The following SH3GL2 variants were observed in gnomAD, a reference collection of about 807,000 sequenced individuals.
SH3GL2 encodes endophilin-A1.
In SH3GL2, 24 loss-of-function variants were observed where a neutral mutation model predicts 46.0. The observed-to-expected ratio is 0.52, with a 90% CI of 0.38 to 0.73. The LOEUF is 0.73. Ranked by LOEUF, SH3GL2 falls within the 30% of genes least tolerant of loss-of-function variation. SH3GL2 has a pLI of 0.00. For missense variants in SH3GL2, 413 were observed against 424.2 expected, an observed-to-expected ratio of 0.97 and a Z score of 0.23; for synonymous variants, 196 against 147.1, an observed-to-expected ratio of 1.33 and a Z score of -2.40.
intron 1 of SH3GL2, among the ~76,000 whole-genome samples, chr9:17,733,191 A>G (rs894297925): frequency 6.6e-5 from 10 of 152,140 alleles, no homozygotes; most frequent in African/African-American, 2.2e-4. Flanking sequence ...ATTTTGCCAA[A>G]GCAAAACGAA....
At chr9:17,675,107 T>G (rs1038846779) in intron 1 of SH3GL2, among the ~76,000 whole-genome samples, 1 of 152,196 alleles carries the variant, frequency 6.6e-6, no homozygotes, top group Non-Finnish European at 1.5e-5. Context: ...TTTTGTACAT[T>G]GTTGTGGTAT....
chr9:17,770,167 C>T (rs1306196559), intron 3 of SH3GL2, among the ~76,000 whole-genome samples: 1 of 152,108 alleles, frequency 6.6e-6, no homozygotes, highest in African/African-American at 2.4e-5. Flanking sequence ...TTCACAATTG[C>T]TTTGGGAAAA....
chr9:17,755,849 C>G (rs1414612817), intron 2 of SH3GL2: 7 of 859,512 alleles, frequency 8.1e-6, no homozygotes, highest in Non-Finnish European at 9.8e-6. Context: ...ATTCCCATGT[C>G]TCTGGAAGAG....
At chr9:17,727,627 G>C (rs1822056422) in intron 1 of SH3GL2, among the ~76,000 whole-genome samples, 1 of 152,096 alleles carries the variant, frequency 6.6e-6, no homozygotes, top group Non-Finnish European at 1.5e-5. Flanking sequence ...AAACATCAGG[G>C]ATTAACACAC....
intron 7 of SH3GL2, among the ~76,000 whole-genome samples, chr9:17,792,230 T>A (rs1427165787): frequency 6.6e-6 from 1 of 152,226 alleles, no homozygotes; most frequent in Non-Finnish European, 1.5e-5. Context: ...ATTCATGGTT[T>A]AATTGAGCAT....
intron 3 of SH3GL2, among the ~76,000 whole-genome samples, chr9:17,777,399 G>GT (rs1165204953): frequency 2.0e-5 from 3 of 152,200 alleles, no homozygotes; most frequent in African/African-American, 7.2e-5. Flanking sequence ...TTGATTTAAA[G>GT]TTTGTTAAAA....
At chr9:17,692,899 A>G (rs964625745) in intron 1 of SH3GL2, among the ~76,000 whole-genome samples, 1 of 152,098 alleles carries the variant, frequency 6.6e-6, no homozygotes, top group African/African-American at 2.4e-5. Context: ...AGGAAGAAGC[A>G]AAAGTGGAAA....
At chr9:17,761,634 G>C in intron 3 of SH3GL2, 125 bp downstream of exon 3, 2 of 774,334 alleles carry the variant, frequency 2.6e-6, no homozygotes, top group Non-Finnish European at 4.7e-6. Flanking sequence ...TTTTCTGAGA[G>C]GTTAGCGACT....
rs151109451 is a variant in SH3GL2 at position 17,753,953 on chromosome 9, G to C, written c.114+6819G>C. ...ATAGGGAATCTTTTCCCCATTGTTT[G>C]ATTTTTGTCAGATTTGTCAAAGACC... On this transcript the variant is annotated intron_variant, in intron 2 of 8. Transcript: ENST00000380607. 2.4e-3 allele frequency among the ~76,000 whole-genome samples: 366 copies of C among 152,230 alleles called. 4 individuals carry two copies. Among genetic ancestry groups the C allele is most frequent in the African/African-American group, 8.6e-3 (356 of 41,560 alleles).
At chr9:17,793,822 C>G (rs149600935) in intron 8 of SH3GL2, among the ~76,000 whole-genome samples, 1 of 152,338 alleles carries the variant, frequency 6.6e-6, no homozygotes, top group African/African-American at 2.4e-5. Context: ...TCAGTTTGGT[C>G]TGCGAGTGTC....
chr9:17,670,814 C>G (rs777326411), intron 1 of SH3GL2, among the ~76,000 whole-genome samples: 2 of 152,144 alleles, frequency 1.3e-5, no homozygotes, highest in Non-Finnish European at 2.9e-5. Context: ...ATGGGACTTA[C>G]ATATACATCA....
intron 1 of SH3GL2, among the ~76,000 whole-genome samples, chr9:17,599,766 G>T (rs1170377467): frequency 6.6e-6 from 1 of 152,120 alleles, no homozygotes; most frequent in East Asian, 1.9e-4. Context: ...TTGGATGGGT[G>T]GTGATTTGGA....
chr9:17,661,170 A>T (rs1175669856), intron 1 of SH3GL2, among the ~76,000 whole-genome samples: 1 of 152,170 alleles, frequency 6.6e-6, no homozygotes, highest in Non-Finnish European at 1.5e-5. Flanking sequence ...TCAAAAAACA[A>T]AAACAAAAAC....
At chr9:17,710,271 T>C (rs942476520) in intron 1 of SH3GL2, among the ~76,000 whole-genome samples, 1 of 152,020 alleles carries the variant, frequency 6.6e-6, no homozygotes, top group Non-Finnish European at 1.5e-5. Flanking sequence ...CTTTCTGTCA[T>C]GACTGTAAGT....
chr9:17,638,280 A>G (rs1189464614), intron 1 of SH3GL2, among the ~76,000 whole-genome samples: 1 of 152,120 alleles, frequency 6.6e-6, no homozygotes, highest in African/African-American at 2.4e-5. Context: ...AAAAAGTCCT[A>G]TTTCGTTAGA....
intron 3 of SH3GL2, among the ~76,000 whole-genome samples, chr9:17,767,348 C>G (rs2131159499): frequency 6.6e-6 from 1 of 152,270 alleles, no homozygotes; most frequent in East Asian, 1.9e-4. Context: ...TCAAAATGTA[C>G]CATTAGTCCC....
chr9:17,725,220 G>A (rs1285743976), intron 1 of SH3GL2, among the ~76,000 whole-genome samples: 1 of 152,048 alleles, frequency 6.6e-6, no homozygotes, highest in Non-Finnish European at 1.5e-5. Context: ...TACGACTTGG[G>A]AAATTTTTTC....
At chr9:17,652,163 A>G (rs1819973277) in intron 1 of SH3GL2, among the ~76,000 whole-genome samples, 1 of 152,014 alleles carries the variant, frequency 6.6e-6, no homozygotes, top group African/African-American at 2.4e-5. Flanking sequence ...ATTGTAAATC[A>G]TTATTATTTT....
chr9:17,602,614 A>C (rs577106086), intron 1 of SH3GL2, among the ~76,000 whole-genome samples: 1 of 152,286 alleles, frequency 6.6e-6, no homozygotes, highest in African/African-American at 2.4e-5. Context: ...AGTATAAAAA[A>C]ACTTTAATAT....
Sources: allele counts gnomAD v4.1 joint callset (sites outside exome capture counted in the v4.1 genomes callset), GRCh38; gene constraint gnomAD v4.1.1; transcripts MANE v1.5; gene names NCBI Gene and HGNC (gene_info 2026-07-23, HGNC 2026-07-21).